The following UBOX5 variants were observed in gnomAD, a reference collection of about 807,000 sequenced individuals.
The protein encoded by UBOX5 is U-box domain containing 5, also known as RING finger protein 37.
A neutral mutation model predicts 39.0 loss-of-function variants in UBOX5; 28 were observed. The ratio of observed to expected loss-of-function variants is 0.72; its 90% CI spans 0.53 to 0.98. The LOEUF (loss-of-function observed/expected upper bound fraction) is 0.98, where lower values mean the gene tolerates loss of function less well. UBOX5 is among the 50% of genes least tolerant of loss of function. UBOX5 has a pLI of 0.00. For synonymous variants in UBOX5, 283 were observed against 275.5 expected, an observed-to-expected ratio of 1.03 and a Z score of -0.27; for missense variants, 585 against 674.4, an observed-to-expected ratio of 0.87 and a Z score of 1.47.
intron 1 of UBOX5, among the ~76,000 whole-genome samples, chr20:3,136,613 C>T (rs1035554444): frequency 1.3e-5 from 2 of 152,088 alleles, no homozygotes; most frequent in African/African-American, 2.4e-5. Context: ...CCTCAGCCTC[C>T]CAAAGTGCTG....
intron 1 of UBOX5, among the ~76,000 whole-genome samples, chr20:3,142,113 A>C (rs2066521768): frequency 6.6e-6 from 1 of 150,376 alleles, no homozygotes; most frequent in Non-Finnish European, 1.5e-5. Flanking sequence ...GAGCCATGAT[A>C]GTGCCACTGC....
intron 4 of UBOX5, among the ~76,000 whole-genome samples, chr20:3,113,392 G>A (rs1005498039): frequency 6.6e-6 from 1 of 152,154 alleles, no homozygotes; most frequent in Admixed American, 6.6e-5. Context: ...GGACCTCAGA[G>A]GGAGTAGGAG....
At chr20:3,150,117 C>T (rs979696052) in intron 1 of UBOX5, among the ~76,000 whole-genome samples, 3 of 152,034 alleles carry the variant, frequency 2.0e-5, no homozygotes, top group African/African-American at 4.8e-5. Context: ...CATTCTAATG[C>T]TGTTCTTTTA....
Position 3,107,996 on chromosome 20 carries a change from T to G in UBOX5, c.*2110A>C, listed in dbSNP as rs1337536011. The G allele has an allele frequency of 6.6e-6, 1 of 152,208 alleles. No individual in the cohort carries two copies. The highest frequency in any genetic ancestry group is 2.4e-5 in the African/African-American group (1 of 41,434). The allele number at this position is 152,208 out of a possible 1,614,324, so 9.4% of individuals were successfully genotyped here. A position where few individuals can be genotyped will look rare whatever the true frequency, so the allele number is the denominator to read the frequency against. On this transcript the variant is annotated 3_prime_UTR_variant, in exon 5 of 5. Transcript: ENST00000217173. This position sits in a 1 kb window ranked among gnomAD's most constrained non-coding sequence, Gnocchi z 5.0. The stretch of plus-strand genomic sequence containing the variant: ...TGGGCTCCCAGCAGCCAGAGCACAC[T>G]GTGGGTGTCAAGCTGCTGGTGGGAA...
intron 4 of UBOX5, among the ~76,000 whole-genome samples, chr20:3,112,038 C>T (rs532070341): frequency 6.6e-6 from 1 of 151,614 alleles, no homozygotes; most frequent in African/African-American, 2.4e-5. Context: ...TTGGGCCAAA[C>T]ATTAAGCAAC....
intron 1 of UBOX5, chr20:3,146,846 G>A (rs1338312272): frequency 1.2e-6 from 2 of 1,614,062 alleles, no homozygotes; most frequent in Admixed American, 1.7e-5. Context: ...TTTCAGTAGT[G>A]GGAGCCATTC....
intron 1 of UBOX5, chr20:3,148,769 A>T: frequency 6.2e-7 from 1 of 1,614,036 alleles, no homozygotes; most frequent in Non-Finnish European, 8.5e-7. Context: ...CTCTTCATCA[A>T]CTCCTGTGGC....
intron 3 of UBOX5, among the ~76,000 whole-genome samples, chr20:3,117,412 T>G (rs2066302009): frequency 6.6e-6 from 1 of 151,896 alleles, no homozygotes; most frequent in Non-Finnish European, 1.5e-5. Context: ...GGCCAGGCGC[T>G]GTAGCTCATG....
intron 1 of UBOX5, chr20:3,152,003 G>T: frequency 6.6e-6 from 1 of 151,420 alleles, no homozygotes; most frequent in East Asian, 1.9e-4. Context: ...CACTCGGGGG[G>T]CTGGGGCACA....
chr20:3,132,293 G>C (rs2066435540), intron 1 of UBOX5, among the ~76,000 whole-genome samples: 1 of 152,160 alleles, frequency 6.6e-6, no homozygotes, highest in African/African-American at 2.4e-5. Flanking sequence ...CTGGACAACA[G>C]AGTGAGACCC....
chr20:3,129,511 G>A (rs989715747), intron 1 of UBOX5, among the ~76,000 whole-genome samples: 8 of 151,924 alleles, frequency 5.3e-5, no homozygotes, highest in African/African-American at 7.3e-5. Flanking sequence ...CCAGTGCACC[G>A]GCCTATCCTC....
intron 1 of UBOX5, among the ~76,000 whole-genome samples, chr20:3,127,383 G>C (rs1054263676): frequency 7.2e-5 from 11 of 152,166 alleles, no homozygotes; most frequent in Admixed American, 3.9e-4. Flanking sequence ...GTGAAGATCT[G>C]TCATGGGCCT....
At chr20:3,116,613 T>C (rs2066295374) in intron 3 of UBOX5, 1 of 152,346 alleles carries the variant, frequency 6.6e-6, no homozygotes, top group Non-Finnish European at 1.5e-5. Context: ...AGGACCTTTT[T>C]CCTTGTTCCA....
rs530430289 is a variant in UBOX5 at position 3,138,024 on chromosome 20, G to C, written c.-41-14618C>G. On this transcript the variant is annotated intron_variant, in intron 1 of 4. Transcript: ENST00000217173. ...ATGGTGGCTCACGCCTGTAATCCCG[G>C]CACTTTGGGAGGCCAAAGTGGGCAG... Among the ~76,000 whole-genome samples, 5 of 152,324 alleles carry C rather than the reference G, an allele frequency of 3.3e-5. No homozygotes were observed. The East Asian group carries it at 9.6e-4, about 29-fold the overall frequency.
intron 1 of UBOX5, among the ~76,000 whole-genome samples, chr20:3,152,615 A>C (rs1165228525): frequency 6.6e-6 from 1 of 152,114 alleles, no homozygotes; most frequent in Non-Finnish European, 1.5e-5. Context: ...TCATTTGAGG[A>C]AGGAGATCCT....
intron 1 of UBOX5, among the ~76,000 whole-genome samples, chr20:3,135,306 C>T (rs1391225762): frequency 6.6e-6 from 1 of 152,006 alleles, no homozygotes; most frequent in Non-Finnish European, 1.5e-5. Flanking sequence ...TTAATGCTAC[C>T]ACAGACTGTA....
Position 3,157,812 on chromosome 20 carries a change from G to A in UBOX5, c.-42+1954C>T, listed in dbSNP as rs375214977. ...ATAACTGTTAGCTCAATAAACACTTGGTTTTATCTGCTTTTACAATTTGCA... is the reference window on the plus strand; with the variant it reads ...ATAACTGTTAGCTCAATAAACACTTAGTTTTATCTGCTTTTACAATTTGCA... On this transcript the variant is annotated intron_variant, in intron 1 of 4. Transcript: ENST00000217173. Among the ~76,000 whole-genome samples, 6 of 152,122 alleles carry A rather than the reference G, an allele frequency of 3.9e-5. No homozygotes were observed. In the East Asian group the frequency reaches 7.7e-4, roughly 20 times the overall value.
At chr20:3,142,459 C>T (rs991188200) in intron 1 of UBOX5, among the ~76,000 whole-genome samples, 1 of 151,828 alleles carries the variant, frequency 6.6e-6, no homozygotes, top group African/African-American at 2.4e-5. Context: ...AAAAAATCAC[C>T]CAGGCGTAGT....
chr20:3,116,011 T>G (rs147458790), intron 3 of UBOX5, among the ~76,000 whole-genome samples: 1,802 of 152,254 alleles, frequency 0.012, 32 homozygotes, highest in African/African-American at 0.041. Context: ...TGCCTCAGCC[T>G]CCCAAAGTGC....
Sources: gnomAD v4.1 joint callset for allele counts (sites outside exome capture counted in the v4.1 genomes callset) on GRCh38, gnomAD v4.1.1 for gene constraint, Gnocchi (gnomAD v3.1) non-coding constraint, MANE v1.5 for transcripts, NCBI Gene and HGNC (gene_info 2026-07-23, HGNC 2026-07-21) for gene names.